CAPN2: variants seen among roughly 807,000 people sequenced by gnomAD.
CAPN2 encodes the protein calpain 2, also known as calpain-2 catalytic subunit.
Under a neutral mutation model 102.3 loss-of-function variants are expected in CAPN2, and 92 were observed. The observed-to-expected ratio is 0.90, with a 90% CI of 0.76 to 1.07. The LOEUF (loss-of-function observed/expected upper bound fraction) is 1.07, where lower values mean the gene tolerates loss of function less well. Among genes scored for constraint, CAPN2 ranks in the 50% least tolerant of loss-of-function variants. The probability of loss-of-function intolerance (pLI) is 0.00; values close to 1 mark genes in which losing one functional copy is unlikely to be tolerated. For synonymous variants in CAPN2, 340 were observed against 355.4 expected (o/e 0.96, Z 0.49); for missense variants, 800 against 909.4 (o/e 0.88, Z 1.55).
Position 223,731,621 on chromosome 1 carries a change from G to A in CAPN2, c.308-12479G>A, listed in dbSNP as rs985315901. ...AACCAGCGCCAGTCTCCTCTAGACT[G>A]AGTACAGGCCTGGCACGGAGCCAGG... On this transcript the variant is annotated intron_variant, in intron 2 of 20. Transcript: ENST00000295006. This position sits in a 1 kb window ranked among gnomAD's most constrained non-coding sequence, Gnocchi z 4.2. 7.9e-5 allele frequency among the ~76,000 whole-genome samples: 12 copies of A among 152,238 alleles called. No individual in the cohort carries two copies. Among genetic ancestry groups the A allele is most frequent in the African/African-American group, 2.9e-4 (12 of 41,446 alleles).
intron 15 of CAPN2, 114 bp downstream of exon 15, chr1:223,764,321 C>A: frequency 2.4e-6 from 2 of 826,852 alleles, no homozygotes; most frequent in Non-Finnish European, 4.2e-6. Flanking sequence ...CACCACCCTC[C>A]ATCCCCTCCA....
chr1:223,727,147 GA>G lies in CAPN2; in HGVS notation c.307+9318del, dbSNP rs11354938. 0.78 allele frequency among the ~76,000 whole-genome samples: 118,271 copies of G among 152,156 alleles called. 47,210 individuals carry two copies. The highest frequency in any genetic ancestry group is 0.87 in the Admixed American group (13,312 of 15,286). ...GATTGTTAAAATGCTGTTGTCTCAGGAAGGGTGAAATTTAGCCAGGAGCAGT... is the reference window on the plus strand; with the variant it reads ...GATTGTTAAAATGCTGTTGTCTCAGGAGGGTGAAATTTAGCCAGGAGCAGT... On this transcript the variant is annotated intron_variant, in intron 2 of 20. Coordinates refer to ENST00000295006, the MANE Select transcript of CAPN2 (RefSeq NM_001748.5). The surrounding 1 kb of genome is among the most constrained non-coding windows in gnomAD (Gnocchi z 4.1).
chr1:223,736,968 G>A (rs568603104), intron 2 of CAPN2, among the ~76,000 whole-genome samples: 96 of 152,262 alleles, frequency 6.3e-4, no homozygotes, highest in African/African-American at 2.3e-3. Flanking sequence ...GAGCCCGGGA[G>A]GTCAAGGCTG....
At position 223,752,831 on chromosome 1, in the gene CAPN2, G is replaced by T; in HGVS notation, c.1010G>T (p.Arg337Leu). 1 of 1,614,010 alleles carries T rather than the reference G, an allele frequency of 6.2e-7. No homozygotes were observed. The highest frequency in any genetic ancestry group is 8.5e-7 in the Non-Finnish European group (1 of 1,180,016). Residue 337 changes from arginine (R) to leucine (L), a missense_variant, in exon 9 of 21, where the codon CGC becomes CTC. By Grantham distance (102) the Arg-to-Leu change is moderately radical. Coordinates refer to ENST00000295006, the MANE Select transcript of CAPN2 (RefSeq NM_001748.5). The part of the protein sequence containing the change: ...SFSDFLRHYS[R>L]LEICNLTPDT... ...AGTGACTTCCTGAGGCACTATTCCC[G>T]CCTGGAGATCTGTAACCTGACCCCA...
intron 20 of CAPN2, chr1:223,772,491 A>C: frequency 2.1e-6 from 1 of 467,038 alleles, no homozygotes; most frequent in East Asian, 3.2e-5. Context: ...AGTGTAGCTC[A>C]AGGTTAAACT....
In CAPN2 at chr1:223,747,106, C is replaced by G. The variant is rs1302013830; in HGVS notation, c.670C>G (p.Leu224Val). 6.2e-7 allele frequency: 1 copy of G among 1,613,956 alleles called. No homozygotes were observed. Among genetic ancestry groups the G allele is most frequent in the African/African-American group, 1.3e-5 (1 of 74,900 alleles). Residue 224 changes from leucine (L) to valine (V), a missense_variant, in exon 5 of 21, where the codon CTG becomes GTG. By Grantham distance (32) the Leu-to-Val change is conservative. Transcript: ENST00000295006. ...WYELKKPPPN[L>V]FKIIQKALQK... ...TGAGTTGAAGAAGCCCCCTCCCAAC[C>G]TGTTCAAGATCATCCAGAAAGCTCT...
At chr1:223,743,471 C>T (rs1660675644) in intron 2 of CAPN2, among the ~76,000 whole-genome samples, 1 of 152,194 alleles carries the variant, frequency 6.6e-6, no homozygotes, top group Non-Finnish European at 1.5e-5. Context: ...TTCTCTCACT[C>T]AAACTCCCCT....
Position 223,747,000 on chromosome 1 carries a change from C to A in CAPN2, c.564C>A (p.Ile188=). The A allele has an allele frequency of 1.9e-6, 3 of 1,612,960 alleles. No homozygotes were observed. The highest frequency in any genetic ancestry group is 2.5e-6 in the Non-Finnish European group (3 of 1,179,308). ...SALLEKAYAK[I]NGCYEALSGG... ...AGCGTCTAATCCCCTCTTGTAGGAT[C>A]AACGGATGCTATGAAGCGCTATCAG... is the stretch of plus-strand genomic sequence containing the variant. The change falls in exon 5 of 21, where the codon ATC becomes ATA. Residue 188 remains isoleucine, a synonymous_variant. Transcript: ENST00000295006.
chr1:223,702,778 G>A (rs1274763046), intron 1 of CAPN2, among the ~76,000 whole-genome samples: 1 of 152,122 alleles, frequency 6.6e-6, no homozygotes, highest in Non-Finnish European at 1.5e-5. Flanking sequence ...AGGAGTTATT[G>A]ACCTAGGTAG....
rs1240353254 is a variant in CAPN2, at chr1:223,759,523, C to T, written c.1529+42C>T. 1.3e-6 allele frequency: 2 copies of T among 1,551,434 alleles called. No homozygotes were observed. The highest frequency in any genetic ancestry group is 1.1e-5 in the South Asian group (1 of 89,218). Reference sequence around the variant, plus strand: ...CTTCCTCTCCCCACCCTTCCCTGTCCCTCCCCACTGGTCTGTTCCTCGGCC... The same window carrying T: ...CTTCCTCTCCCCACCCTTCCCTGTCTCTCCCCACTGGTCTGTTCCTCGGCC... On this transcript the variant is annotated intron_variant, in intron 12 of 20. Coordinates refer to ENST00000295006, the MANE Select transcript of CAPN2 (RefSeq NM_001748.5). This position sits in a 1 kb window ranked among gnomAD's most constrained non-coding sequence, Gnocchi z 4.6.
At chr1:223,721,641 A>T (rs1334973087) in intron 2 of CAPN2, among the ~76,000 whole-genome samples, 3 of 152,134 alleles carry the variant, frequency 2.0e-5, no homozygotes, top group Non-Finnish European at 4.4e-5. Flanking sequence ...CAGAGCACCC[A>T]CTGGGAGGTG....
In CAPN2 at chr1:223,774,990, AAAT is replaced by A. The variant is rs1661577059; in HGVS notation, c.*137_*139del. 5.3e-6 allele frequency: 4 copies of A among 748,762 alleles called. No homozygotes were observed. Among genetic ancestry groups the A allele is most frequent in the South Asian group, 1.6e-5 (1 of 63,560 alleles). 46.4% of individuals were successfully genotyped at this position (748,762 alleles called of 1,614,324 possible). The stretch of plus-strand genomic sequence containing the variant: ...TACTTAAACGGATGATCATAGCTGA[AAAT>A]AATGATACTGTCAATTTGAGATAGC... On this transcript the variant is annotated 3_prime_UTR_variant, in exon 21 of 21. Transcript: ENST00000295006.
intron 20 of CAPN2, 97 bp from the exon 21 acceptor site, chr1:223,774,737 T>C: frequency 9.3e-7 from 1 of 1,073,862 alleles, no homozygotes; most frequent in South Asian, 1.3e-5. Context: ...AATCAGCTTT[T>C]CCAGTACAAG....
chr1:223,751,972 C>A, intron 7 of CAPN2, 25 bp from the exon 8 acceptor site: 10 of 1,520,630 alleles, frequency 6.6e-6, no homozygotes, highest in Non-Finnish European at 9.1e-6. Context: ...TACACTAACG[C>A]CTCTCTCTTT....
chr1:223,755,631 C>G lies in CAPN2; in HGVS notation c.1287C>G (p.Ile429Met), dbSNP rs753793409. 1 of 1,601,428 alleles carries G rather than the reference C, an allele frequency of 6.2e-7. No homozygotes were observed. The highest frequency in any genetic ancestry group is 8.5e-7 in the Non-Finnish European group (1 of 1,174,194). The change falls in exon 10 of 21, where the codon ATC (isoleucine) becomes ATG (methionine). Residue 429 changes from isoleucine to methionine, a missense_variant. By Grantham distance (10) the Ile-to-Met change is conservative. Transcript: ENST00000295006. This position sits in a 1 kb window ranked among gnomAD's most constrained non-coding sequence, Gnocchi z 4.1. ...QRKMGEDMHT[I>M]GFGIYEVPEE... Reference sequence around the variant, plus strand: ...AGATGGGCGAGGACATGCACACCATCGGCTTTGGCATCTATGAGGTGCAGA... The same window carrying G: ...AGATGGGCGAGGACATGCACACCATGGGCTTTGGCATCTATGAGGTGCAGA...
At position 223,761,614 on chromosome 1, in the gene CAPN2, A is replaced by G; in HGVS notation, c.1563A>G (p.Glu521=). The G allele has an allele frequency of 6.2e-7, 1 of 1,611,868 alleles. No homozygotes were observed. Among genetic ancestry groups the G allele is most frequent in the East Asian group, 2.2e-5 (1 of 44,852 alleles). The change falls in exon 13 of 21, where the codon GAA becomes GAG. Residue 521 remains glutamate, a synonymous_variant. Transcript: ENST00000295006. ...ATGATGAAATCGAGGCCAATCTTGA[A>G]GAGGTATTTGTAACTCTTTGAATTT... The part of the protein sequence containing the change: ...AVDDEIEANL[E]EFDISEDDID...
intron 4 of CAPN2, 61 bp downstream of exon 4, chr1:223,745,500 T>C (rs1571802620): frequency 6.3e-7 from 1 of 1,596,924 alleles, no homozygotes; most frequent in East Asian, 2.2e-5. Flanking sequence ...TTCCAAAAAA[T>C]TCACTCATGC....
chr1:223,757,312 A>T, intron 10 of CAPN2, 57 bp from the exon 11 acceptor site: 1 of 1,593,330 alleles, frequency 6.3e-7, no homozygotes, highest in Non-Finnish European at 8.6e-7. Context: ...GAGCACAGTG[A>T]TGCATTTTCT....
chr1:223,749,953 T>A (rs1228827059), intron 6 of CAPN2, among the ~76,000 whole-genome samples: 1 of 152,124 alleles, frequency 6.6e-6, no homozygotes, highest in Admixed American at 6.5e-5. Context: ...GAGGCTGTAG[T>A]GAGCCATGAT....
Sources: allele counts gnomAD v4.1 joint callset (sites outside exome capture counted in the v4.1 genomes callset), GRCh38; gene constraint gnomAD v4.1.1; non-coding constraint Gnocchi (gnomAD v3.1); transcripts MANE v1.5; gene names NCBI Gene and HGNC (gene_info 2026-07-23, HGNC 2026-07-21).